HTR4: variants seen among roughly 807,000 people sequenced by gnomAD.
The protein encoded by HTR4 is 5-hydroxytryptamine receptor 4, also known as 5-hydroxytryptamine (serotonin) receptor 4, G protein-coupled.
HTR4 carries 16 observed loss-of-function variants against 36.8 expected under a neutral mutation model. The observed-to-expected ratio is 0.43, with a 90% CI of 0.29 to 0.66. The LOEUF is 0.66. Ranked by LOEUF, HTR4 falls within the 30% of genes least tolerant of loss-of-function variation. The pLI, the probability that HTR4 is intolerant of heterozygous loss-of-function variation, is 0.13. For synonymous variants in HTR4, 189 were observed against 185.1 expected (o/e 1.02, Z -0.17); for missense variants, 438 against 490.9 (o/e 0.89, Z 1.02).
intron 5 of HTR4, among the ~76,000 whole-genome samples, chr5:148,456,774 C>A (rs543130535): frequency 1.3e-5 from 2 of 152,186 alleles, no homozygotes; most frequent in Non-Finnish European, 2.9e-5. Context: ...CCTGGCTCTG[C>A]CATTTACTAA....
chr5:148,537,196 G>A (rs1197172820), intron 4 of HTR4, among the ~76,000 whole-genome samples: 3 of 152,072 alleles, frequency 2.0e-5, no homozygotes, highest in Non-Finnish European at 4.4e-5. Flanking sequence ...CTAATGAGAA[G>A]AAAGATATAA....
intron 2 of HTR4, among the ~76,000 whole-genome samples, chr5:148,575,718 T>C (rs1310860842): frequency 1.3e-5 from 2 of 152,070 alleles, no homozygotes; most frequent in African/African-American, 4.8e-5. Context: ...AATTGACTGC[T>C]ACATAGGAGT....
chr5:148,579,066 T>C (rs996523726), intron 2 of HTR4, among the ~76,000 whole-genome samples: 1 of 152,102 alleles, frequency 6.6e-6, no homozygotes, highest in Non-Finnish European at 1.5e-5. Flanking sequence ...CAGGCATTGT[T>C]TTCTTATAGG....
intron 5 of HTR4, among the ~76,000 whole-genome samples, chr5:148,513,576 G>C (rs1158436863): frequency 6.6e-6 from 1 of 152,028 alleles, no homozygotes; most frequent in African/African-American, 2.4e-5. Flanking sequence ...TCTTTGAATT[G>C]TGGTTTCTTT....
At position 148,509,499 on chromosome 5, in the gene HTR4, G is replaced by A; in HGVS notation, c.1033C>T (p.Pro345Ser). 6.2e-7 allele frequency: 1 copy of A among 1,613,096 alleles called. No homozygotes were observed. The highest frequency in any genetic ancestry group is 1.3e-5 in the African/African-American group (1 of 74,818). ...RRPSILGQTVPCSTTTINGST... is the reference protein window; with the variant it reads ...RRPSILGQTVSCSTTTINGST... ...CCATTAATGGTTGTGGTTGAACAAG[G>A]GACAGTCTGGCCCAGAATGGAAGGT... The change falls in exon 6 of 7, where the codon CCT becomes TCT. Residue 345 changes from proline to serine, a missense_variant. Pro to Ser is a moderately conservative substitution (Grantham distance 74, BLOSUM62 -1). Transcript: ENST00000377888.
At chr5:148,548,931 G>A (rs753633552) in intron 3 of HTR4, 63 bp from the exon 4 acceptor site, 76 of 1,157,060 alleles carry the variant, frequency 6.6e-5, no homozygotes, top group Admixed American at 4.1e-4. Flanking sequence ...AGGGGAGGGA[G>A]AAGAGATCAA....
chr5:148,542,252 A>G (rs1435570906), intron 4 of HTR4, among the ~76,000 whole-genome samples: 5 of 152,254 alleles, frequency 3.3e-5, no homozygotes, highest in African/African-American at 1.2e-4. Context: ...GAGAAGGAGA[A>G]ACTTTTAATA....
intron 1 of HTR4, among the ~76,000 whole-genome samples, chr5:148,644,535 C>T (rs1753824793): frequency 7.2e-6 from 1 of 138,976 alleles, no homozygotes; most frequent in Non-Finnish European, 1.5e-5. Flanking sequence ...GTTAATTTGG[C>T]AGGTGCCAGT....
chr5:148,586,596 C>T (rs1036592058), intron 2 of HTR4, among the ~76,000 whole-genome samples: 2 of 152,194 alleles, frequency 1.3e-5, no homozygotes, highest in Middle Eastern at 3.4e-3. Context: ...CTTCCAGGAT[C>T]GCATCACCTC....
intron 6 of HTR4, 120 bp from the exon 7 acceptor site, chr5:148,483,413 G>A (rs1755988263): frequency 1.1e-6 from 1 of 873,908 alleles, no homozygotes; most frequent in African/African-American, 1.7e-5. Flanking sequence ...TAGCTATTTG[G>A]CTTCTACTTA....
intron 4 of HTR4, 28 bp from the exon 5 acceptor site, chr5:148,523,374 A>G (rs1376421763): frequency 1.3e-6 from 2 of 1,569,024 alleles, no homozygotes; most frequent in African/African-American, 1.4e-5. Context: ...GGCAGAGCAT[A>G]GGCATGGGCA....
intron 4 of HTR4, among the ~76,000 whole-genome samples, chr5:148,542,402 A>C (rs1312461000): frequency 6.6e-6 from 1 of 152,216 alleles, no homozygotes; most frequent in Non-Finnish European, 1.5e-5. Context: ...GAAAATGCAG[A>C]TACATTTATC....
chr5:148,592,241 G>A (rs568753814), intron 2 of HTR4, among the ~76,000 whole-genome samples: 1 of 152,250 alleles, frequency 6.6e-6, no homozygotes, highest in Non-Finnish European at 1.5e-5. Flanking sequence ...TGAGGGTGGA[G>A]GGTGAGAGGA....
intron 2 of HTR4, among the ~76,000 whole-genome samples, chr5:148,568,874 A>T (rs1309379747): frequency 6.6e-6 from 1 of 152,248 alleles, no homozygotes; most frequent in Non-Finnish European, 1.5e-5. Context: ...AGTTTTTTGT[A>T]AAACTGAACA....
intron 6 of HTR4, among the ~76,000 whole-genome samples, chr5:148,484,854 G>A (rs1487073987): frequency 6.6e-6 from 1 of 152,130 alleles, no homozygotes; most frequent in East Asian, 1.9e-4. Context: ...ATTTTAAAGT[G>A]TAAACTCTCT....
chr5:148,615,536 G>T (rs1248778481), intron 2 of HTR4, among the ~76,000 whole-genome samples: 2 of 112,418 alleles, frequency 1.8e-5, no homozygotes, highest in Admixed American at 2.1e-4. Flanking sequence ...GTTGTGGGGT[G>T]GGGGGAGGGG....
intron 2 of HTR4, among the ~76,000 whole-genome samples, chr5:148,551,210 C>T (rs1759669115): frequency 6.6e-6 from 1 of 152,206 alleles, no homozygotes; most frequent in Non-Finnish European, 1.5e-5. Flanking sequence ...CATTCCAGCC[C>T]ATGCAGAAGC....
At chr5:148,490,798 T>C in intron 6 of HTR4, 1 of 871,048 alleles carries the variant, frequency 1.1e-6, no homozygotes, top group South Asian at 1.4e-5. Flanking sequence ...CTTACCTCTC[T>C]CCCTCACATT....
intron 6 of HTR4, chr5:148,490,802 TCACATTA>T: frequency 1.2e-6 from 1 of 854,222 alleles, no homozygotes; most frequent in Non-Finnish European, 1.7e-6. Flanking sequence ...CCTCTCTCCC[TCACATTA>T]TGCAGAAGAA....
Sources: gnomAD v4.1 joint callset for allele counts (sites outside exome capture counted in the v4.1 genomes callset) on GRCh38, gnomAD v4.1.1 for gene constraint, MANE v1.5 for transcripts, NCBI Gene and HGNC (gene_info 2026-07-23, HGNC 2026-07-21) for gene names.